Variants in NF2 observed in about 807,000 individuals in gnomAD.
NF2 encodes the protein merlin.
In NF2, 8 loss-of-function variants were observed where a neutral mutation model predicts 83.7. The ratio of observed to expected loss-of-function variants is 0.10; its 90% CI spans 0.06 to 0.17. The LOEUF (loss-of-function observed/expected upper bound fraction) is 0.17. Among genes scored for constraint, NF2 ranks in the 10% least tolerant of loss-of-function variants. The pLI is 1.00. For synonymous variants in NF2, 266 were observed against 269.6 expected (o/e 0.99, Z 0.13); for missense variants, 533 against 744.4 (o/e 0.72, Z 3.31).
chr22:29,643,433 T>C (rs931420748), intron 4 of NF2, among the ~76,000 whole-genome samples: 4 of 152,168 alleles, frequency 2.6e-5, no homozygotes, highest in Non-Finnish European at 5.9e-5. Context: ...CAGAGGACCC[T>C]GCGGACTTCC....
chr22:29,642,423 A>C (rs1450654900), intron 4 of NF2, 138 bp downstream of exon 4: 1 of 723,718 alleles, frequency 1.4e-6, no homozygotes, highest in Non-Finnish European at 2.5e-6. Context: ...GGACTTGTGG[A>C]CTTGAAGAAC....
At chr22:29,646,824 A>G (rs1347961001) in intron 4 of NF2, among the ~76,000 whole-genome samples, 4 of 152,142 alleles carry the variant, frequency 2.6e-5, no homozygotes, top group African/African-American at 7.2e-5. Context: ...AGGATGGATC[A>G]CCTGAGGTCA....
At chr22:29,683,159 C>T in intron 15 of NF2, 1 of 1,613,532 alleles carries the variant, frequency 6.2e-7, no homozygotes, top group East Asian at 2.2e-5. Context: ...CCTCGGGCCA[C>T]ACTGAGCCCT....
chr22:29,612,338 T>A (rs1417277472), intron 1 of NF2, among the ~76,000 whole-genome samples: 2 of 151,912 alleles, frequency 1.3e-5, no homozygotes, highest in East Asian at 1.9e-4. Context: ...TTAATTGATT[T>A]TTTTTTTTCT....
intron 9 of NF2, among the ~76,000 whole-genome samples, chr22:29,667,762 T>G (rs1386831177): frequency 6.6e-6 from 1 of 152,224 alleles, no homozygotes; most frequent in African/African-American, 2.4e-5. Flanking sequence ...GAATTTTTAA[T>G]TTTAATGTAG....
At chr22:29,609,253 A>G in intron 1 of NF2, 2 of 719,256 alleles carry the variant, frequency 2.8e-6, no homozygotes, top group East Asian at 5.4e-5. Context: ...CAGTGGAACC[A>G]GGGTTTGGAG....
intron 2 of NF2, among the ~76,000 whole-genome samples, chr22:29,638,349 ATT>A (rs766276794): frequency 3.0e-4 from 39 of 130,006 alleles, no homozygotes; most frequent in Admixed American, 3.9e-4. Flanking sequence ...TCTAAGCTGT[ATT>A]TTTTTTTTTT....
At chr22:29,613,397 G>T (rs1378100738) in intron 1 of NF2, among the ~76,000 whole-genome samples, 3 of 152,088 alleles carry the variant, frequency 2.0e-5, no homozygotes, top group African/African-American at 7.2e-5. Flanking sequence ...GGGCGTGGGG[G>T]TGCACACTTG....
At chr22:29,647,521 G>T (rs1040893676) in intron 4 of NF2, among the ~76,000 whole-genome samples, 8 of 152,188 alleles carry the variant, frequency 5.3e-5, no homozygotes, top group Non-Finnish European at 1.2e-4. Context: ...GAAACAGGGA[G>T]ACCTATTAGA....
In NF2 at chr22:29,678,343, C is replaced by T. The variant is rs773396633; in HGVS notation, c.1574+20C>T. The T allele has an allele frequency of 2.5e-6, 4 of 1,612,226 alleles. No homozygotes were observed. The highest frequency in any genetic ancestry group is 3.4e-6 in the Non-Finnish European group (4 of 1,178,862). ...AGAAAAGTATGTAGCCCCCTGTGCC[C>T]TGCTGTGGGCAGCTGTGAACTAGAC... On this transcript the variant is annotated intron_variant, in intron 14 of 15. Coordinates refer to ENST00000338641, the MANE Select transcript of NF2 (RefSeq NM_000268.4).
Position 29,603,788 on chromosome 22 carries a change from G to A in NF2, c.-211G>A, listed in dbSNP as rs2064704640. ...CGGCTCCTGTGCCCTCCCTGCAGCC[G>A]TCAGGGCCCGTCCCCCAACTCCCCT... On this transcript the variant is annotated 5_prime_UTR_variant, in exon 1 of 16. Transcript: ENST00000338641. 2 of 568,514 alleles carry A rather than the reference G, an allele frequency of 3.5e-6. No individual in the cohort carries two copies. Among genetic ancestry groups the A allele is most frequent in the Non-Finnish European group, 6.2e-6 (2 of 323,366 alleles). The allele number at this position is 568,514 out of a possible 1,614,324, so 35.2% of individuals were successfully genotyped here.
At chr22:29,683,559 G>T (rs1016187271) in intron 15 of NF2, 16 of 1,108,450 alleles carry the variant, frequency 1.4e-5, no homozygotes, top group Admixed American at 4.5e-5. Flanking sequence ...GCTTGTGCTG[G>T]CTCATTTTCC....
At chr22:29,679,854 A>ACTTTTTTTTTTTTTGAGATGGAGTCT (rs2067075684) in intron 14 of NF2, among the ~76,000 whole-genome samples, 1 of 149,662 alleles carries the variant, frequency 6.7e-6, no homozygotes, top group African/African-American at 2.5e-5. Flanking sequence ...CAACAGAGAG[A>ACTTTTTTTTTTTTTGAGATGGAGTCT]CACCCTGTCT....
At chr22:29,615,965 A>G (rs977432185) in intron 1 of NF2, among the ~76,000 whole-genome samples, 8 of 152,244 alleles carry the variant, frequency 5.3e-5, no homozygotes, top group African/African-American at 1.9e-4. Flanking sequence ...AATGTGGTCT[A>G]TCCTTACTAT....
intron 14 of NF2, among the ~76,000 whole-genome samples, chr22:29,680,166 C>T (rs1244570760): frequency 2.0e-5 from 3 of 151,570 alleles, no homozygotes; most frequent in Non-Finnish European, 2.9e-5. Flanking sequence ...GGCTGGAGTG[C>T]AGTGGTGCGA....
chr22:29,634,140 G>C (rs2065587550), intron 1 of NF2, among the ~76,000 whole-genome samples: 1 of 152,232 alleles, frequency 6.6e-6, no homozygotes, highest in Non-Finnish European at 1.5e-5. Flanking sequence ...GCCAGTGTAT[G>C]CTTTGGCAGC....
intron 15 of NF2, among the ~76,000 whole-genome samples, chr22:29,689,161 G>A (rs2147151176): frequency 7.5e-6 from 1 of 132,724 alleles, no homozygotes; most frequent in East Asian, 2.2e-4. Context: ...CCTGGCAACG[G>A]AGTGAGACTC....
Position 29,681,469 on chromosome 22 carries a change from G to T in NF2, c.1605G>T (p.Leu535=). 2 of 1,614,140 alleles carry T rather than the reference G, an allele frequency of 1.2e-6. No homozygotes were observed. The highest frequency in any genetic ancestry group is 1.7e-6 in the Non-Finnish European group (2 of 1,180,028). ...KVEYMEKSKH[L]QEQLNELKTE... ...AATACATGGAAAAGAGCAAGCATCT[G>T]CAGGAGCAGCTCAATGAACTCAAGA... The change falls in exon 15 of 16, where the codon CTG becomes CTT. Residue 535 remains leucine (L), a synonymous_variant. Transcript: ENST00000338641.
At chr22:29,641,221 G>T (rs1429814563) in intron 3 of NF2, among the ~76,000 whole-genome samples, 1 of 152,164 alleles carries the variant, frequency 6.6e-6, no homozygotes, top group Non-Finnish European at 1.5e-5. Context: ...TTAGAAAGTT[G>T]CACTGCTTGA....
Sources: allele counts gnomAD v4.1 joint callset (sites outside exome capture counted in the v4.1 genomes callset), GRCh38; gene constraint gnomAD v4.1.1; transcripts MANE v1.5; gene names NCBI Gene and HGNC (gene_info 2026-07-23, HGNC 2026-07-21).